Variants in MYO16 observed in about 807,000 individuals in gnomAD.
MYO16 encodes myosin XVI.
MYO16 carries 94 observed loss-of-function variants against 205.3 expected under a neutral mutation model. The observed-to-expected ratio is 0.46, with a 90% CI of 0.39 to 0.54. The LOEUF (loss-of-function observed/expected upper bound fraction) is 0.54. MYO16 is among the 20% of genes least tolerant of loss of function. MYO16 has a pLI of 0.00. For missense variants in MYO16, 2,315 were observed against 2,387.5 expected, an observed-to-expected ratio of 0.97 and a Z score of 0.63; for synonymous variants, 988 against 954.0, an observed-to-expected ratio of 1.04 and a Z score of -0.66.
chr13:109,039,666 C>T (rs2139575676), intron 23 of MYO16, among the ~76,000 whole-genome samples: 1 of 152,192 alleles, frequency 6.6e-6, no homozygotes, highest in East Asian at 1.9e-4. Flanking sequence ...AATGAAAGTA[C>T]AACATGTCAA....
At chr13:108,614,759 A>G (rs1291533993) in intron 1 of MYO16, among the ~76,000 whole-genome samples, 1 of 152,094 alleles carries the variant, frequency 6.6e-6, no homozygotes, top group Non-Finnish European at 1.5e-5. Context: ...ACAACGGAAT[A>G]TCCATATGCA....
chr13:108,945,660 C>G (rs560629919), intron 16 of MYO16, among the ~76,000 whole-genome samples: 1 of 151,954 alleles, frequency 6.6e-6, no homozygotes, highest in Non-Finnish European at 1.5e-5. Flanking sequence ...GTTTTATTTA[C>G]TTTATGAGTC....
intron 2 of MYO16, among the ~76,000 whole-genome samples, chr13:108,704,478 T>C (rs187338576): frequency 6.6e-6 from 1 of 152,284 alleles, no homozygotes; most frequent in East Asian, 1.9e-4. Context: ...TGTGCACATG[T>C]ACCCAAGAAC....
At chr13:109,018,768 G>C (rs777138455) in intron 22 of MYO16, among the ~76,000 whole-genome samples, 86 of 152,274 alleles carry the variant, frequency 5.6e-4, no homozygotes, top group Non-Finnish European at 8.1e-4. Flanking sequence ...CCGACCCCTT[G>C]CACTTCCTGG....
chr13:108,588,753 G>A, the MYO16 span, among the ~76,000 whole-genome samples: 2 of 152,054 alleles, frequency 1.3e-5, no homozygotes, highest in African/African-American at 4.8e-5. Context: ...GTTAGTGAGA[G>A]GCCTTGGACA....
intron 14 of MYO16, among the ~76,000 whole-genome samples, chr13:108,894,461 G>A (rs576971677): frequency 6.6e-6 from 1 of 152,254 alleles, no homozygotes; most frequent in South Asian, 2.1e-4. Context: ...AAGGGTTTGG[G>A]TGGAAACTAG....
chr13:109,040,744 C>G (rs1157504895), intron 23 of MYO16, among the ~76,000 whole-genome samples: 1 of 152,120 alleles, frequency 6.6e-6, no homozygotes, highest in African/African-American at 2.4e-5. Flanking sequence ...CTACAAAAAT[C>G]CTACAGCCAA....
chr13:108,773,837 C>G (rs939835893), intron 4 of MYO16, among the ~76,000 whole-genome samples: 2 of 152,000 alleles, frequency 1.3e-5, no homozygotes, highest in East Asian at 1.9e-4. Flanking sequence ...AAAAAAGTGG[C>G]CTTTGTTTCC....
chr13:108,698,645 A>G (rs1264633286), intron 2 of MYO16, among the ~76,000 whole-genome samples: 1 of 152,200 alleles, frequency 6.6e-6, no homozygotes, highest in African/African-American at 2.4e-5. Context: ...GATAGGACTA[A>G]AAGACATGTT....
intron 16 of MYO16, among the ~76,000 whole-genome samples, chr13:108,948,883 C>G (rs1234424065): frequency 6.6e-6 from 1 of 152,184 alleles, no homozygotes; most frequent in African/African-American, 2.4e-5. Flanking sequence ...CACACCCACA[C>G]TCACACCTCA....
At chr13:109,018,182 A>G (rs982024721) in intron 22 of MYO16, among the ~76,000 whole-genome samples, 3 of 152,126 alleles carry the variant, frequency 2.0e-5, no homozygotes, top group African/African-American at 7.2e-5. Flanking sequence ...ATGTTGATAC[A>G]GTTACTCTCT....
chr13:108,884,010 C>A (rs2139169025), intron 13 of MYO16, among the ~76,000 whole-genome samples: 1 of 152,304 alleles, frequency 6.6e-6, no homozygotes, highest in Admixed American at 6.5e-5. Flanking sequence ...ATGTTAAAAT[C>A]TGCATCAGAG....
intron 2 of MYO16, among the ~76,000 whole-genome samples, chr13:108,704,411 T>A (rs879479803): frequency 6.6e-6 from 1 of 152,178 alleles, no homozygotes; most frequent in Non-Finnish European, 1.5e-5. Context: ...CATGATGAGT[T>A]AATGGGTGCA....
At chr13:108,895,411 C>T (rs906491149) in intron 14 of MYO16, among the ~76,000 whole-genome samples, 1 of 152,152 alleles carries the variant, frequency 6.6e-6, no homozygotes, top group African/African-American at 2.4e-5. Flanking sequence ...TGCCACCTAT[C>T]GGCCAAGTGG....
At chr13:108,724,068 A>G (rs572387713) in intron 3 of MYO16, among the ~76,000 whole-genome samples, 111 of 152,306 alleles carry the variant, frequency 7.3e-4, no homozygotes, top group Admixed American at 1.4e-3. Context: ...GTATTTCAAT[A>G]TTCTTAATGC....
chr13:109,125,183 A>C lies in MYO16; in HGVS notation c.3607A>C (p.Ile1203Leu). ...CATCAGACAACAAGAGGTGACTTCT[A>C]TCAATAGCTTTCTGCAGAACACAGA... ...ISIRQQEVTSINSFLQNTEDM... is the reference protein window; with the variant it reads ...ISIRQQEVTSLNSFLQNTEDM... Residue 1203 changes from isoleucine (I) to leucine (L), a missense_variant, in exon 30 of 35, where the codon ATC becomes CTC. Physicochemically the swap from Ile to Leu is conservative, Grantham distance 5. This residue lies in a region of MYO16 where 1,097 missense variants were observed against 1,092.0 expected (regional missense o/e 1.00). Coordinates refer to ENST00000457511, the MANE Select transcript of MYO16 (RefSeq NM_001198950.3). The surrounding 1 kb of genome is among the most constrained non-coding windows in gnomAD (Gnocchi z 4.0). 6.2e-7 allele frequency: 1 copy of C among 1,614,154 alleles called. No homozygotes were observed. Among genetic ancestry groups the C allele is most frequent in the African/African-American group, 1.3e-5 (1 of 75,050 alleles).
Position 108,714,115 on chromosome 13 carries a change from GGT to G in MYO16, c.363+1386_363+1387del, listed in dbSNP as rs1566566225. On this transcript the variant is annotated intron_variant, in intron 3 of 34. Transcript: ENST00000457511. ...TCTGTCGCCCAGGCTGGAGTGCAGT[GGT>G]GCAATCTCGGCTCACTGCAAGCTCC... Among the ~76,000 whole-genome samples, 4 of 152,136 alleles carry G rather than the reference GGT, an allele frequency of 2.6e-5. No individual in the cohort carries two copies. The East Asian group carries it at 5.8e-4, about 22-fold the overall frequency.
intron 2 of MYO16, among the ~76,000 whole-genome samples, chr13:108,683,148 T>C (rs867939682): frequency 2.6e-5 from 4 of 152,368 alleles, no homozygotes; most frequent in South Asian, 4.1e-4. Context: ...TGTATTTCTC[T>C]TCTGTACGCC....
chr13:108,891,244 A>T (rs576135721), intron 14 of MYO16, among the ~76,000 whole-genome samples: 1 of 152,256 alleles, frequency 6.6e-6, no homozygotes, highest in African/African-American at 2.4e-5. Flanking sequence ...CTTATATGTG[A>T]TTTATAGAAC....
Sources: allele counts gnomAD v4.1 joint callset (sites outside exome capture counted in the v4.1 genomes callset), GRCh38; gene constraint gnomAD v4.1.1; regional missense constraint gnomAD v4.1.1; non-coding constraint Gnocchi (gnomAD v3.1); transcripts MANE v1.5; gene names NCBI Gene and HGNC (gene_info 2026-07-23, HGNC 2026-07-21).